TNFRSF10C: variants seen among roughly 807,000 people sequenced by gnomAD.
TNFRSF10C encodes tumor necrosis factor receptor superfamily member 10C.
A neutral mutation model predicts 16.7 loss-of-function variants in TNFRSF10C; 17 were observed. That is an observed-to-expected ratio of 1.02 (90% CI 0.70 to 1.53). The LOEUF (loss-of-function observed/expected upper bound fraction) is 1.53. Among genes scored for constraint, TNFRSF10C ranks in the 40% most tolerant of loss-of-function variants. The pLI is 0.00. For missense variants in TNFRSF10C, 237 were observed against 329.7 expected (o/e 0.72, Z 2.18); for synonymous variants, 73 against 119.7 (o/e 0.61, Z 2.55).
At chr8:23,111,613 C>A in intron 1 of TNFRSF10C, 107 bp from the exon 2 acceptor site, 1 of 877,342 alleles carries the variant, frequency 1.1e-6, no homozygotes, top group Non-Finnish European at 1.9e-6. Flanking sequence ...AAAAAATGTC[C>A]AAGCTCTGAT....
intron 1 of TNFRSF10C, among the ~76,000 whole-genome samples, chr8:23,108,378 G>T (rs986806993): frequency 5.9e-5 from 9 of 152,110 alleles, no homozygotes; most frequent in Non-Finnish European, 1.0e-4. Context: ...TGTTTTCTAT[G>T]TATTAGGAAA....
intron 2 of TNFRSF10C, 110 bp downstream of exon 2, chr8:23,111,935 C>T: frequency 9.3e-7 from 1 of 1,074,780 alleles, no homozygotes; most frequent in Non-Finnish European, 1.4e-6. Flanking sequence ...TGTGGAATGG[C>T]TAAATCAAGC....
In TNFRSF10C at chr8:23,103,116, CATACCA is replaced by C. The variant is rs762251336; in HGVS notation, c.-5_1del. On this transcript the variant is annotated start_lost and 5_prime_UTR_variant, in exon 1 of 5. Transcript: ENST00000356864. ...CAGGACCCAGGACGGCGTCGGGAAC[CATACCA>C]TGGCCCGGATCCCCAAGACCCTAAA... 2 of 1,611,046 alleles carry C rather than the reference CATACCA, an allele frequency of 1.2e-6. No individual in the cohort carries two copies. Among genetic ancestry groups the C allele is most frequent in the Non-Finnish European group, 8.5e-7 (1 of 1,178,940 alleles).
Position 23,114,668 on chromosome 8 carries a change from T to A in TNFRSF10C, c.178T>A (p.Ser60Thr). 6.2e-7 allele frequency: 1 copy of A among 1,613,748 alleles called. No individual in the cohort carries two copies. Among genetic ancestry groups the A allele is most frequent in the Non-Finnish European group, 8.5e-7 (1 of 1,179,706 alleles). ...GEECPAGSHRSEHTGACNPCT... is the reference protein window; with the variant it reads ...GEECPAGSHRTEHTGACNPCT... ...CTCTTCCTTCCCAGGATCTCATAGATCAGAACATACTGGAGCCTGTAACCC... is the reference window on the plus strand; with the variant it reads ...CTCTTCCTTCCCAGGATCTCATAGAACAGAACATACTGGAGCCTGTAACCC... Residue 60 changes from serine to threonine, a missense_variant, in exon 3 of 5, where the codon TCA becomes ACA. Physicochemically the swap from Ser to Thr is moderately conservative, Grantham distance 58. Coordinates refer to ENST00000356864, the MANE Select transcript of TNFRSF10C (RefSeq NM_003841.5).
rs769703217 is a variant in TNFRSF10C, at chr8:23,116,665, CAGTAATT to C, written c.415_421del (p.Ser139ValfsTer28). On this transcript the variant is annotated frameshift_variant, in exon 5 of 5. Coordinates refer to ENST00000356864, the MANE Select transcript of TNFRSF10C (RefSeq NM_003841.5). LOFTEE classifies it low-confidence loss of function (END_TRUNC). Reference sequence around the variant, plus strand: ...GGTGCCCTAGTGGGGAAGTCCAAGTCAGTAATTGTACGTCCTGGGATGATATCCAGTG... The same window carrying C: ...GGTGCCCTAGTGGGGAAGTCCAAGTCGTACGTCCTGGGATGATATCCAGTG... 1.2e-6 allele frequency: 2 copies of C among 1,614,120 alleles called. No homozygotes were observed. Among genetic ancestry groups the C allele is most frequent in the Non-Finnish European group, 1.7e-6 (2 of 1,179,956 alleles).
intron 1 of TNFRSF10C, among the ~76,000 whole-genome samples, chr8:23,108,933 T>G (rs11135698): frequency 0.11 from 16,681 of 152,096 alleles, 1,185 homozygotes; most frequent in East Asian, 0.33. Context: ...AGTAACAATA[T>G]CCACAGAGAA....
chr8:23,107,614 T>G (rs1055493832), intron 1 of TNFRSF10C, among the ~76,000 whole-genome samples: 1 of 152,180 alleles, frequency 6.6e-6, no homozygotes, highest in Non-Finnish European at 1.5e-5. Flanking sequence ...GCATAAAAAG[T>G]CAGTTTATCC....
chr8:23,106,782 C>G (rs374765880), intron 1 of TNFRSF10C, among the ~76,000 whole-genome samples: 26 of 151,826 alleles, frequency 1.7e-4, no homozygotes, highest in East Asian at 1.2e-3. Context: ...GTCAGGAGAT[C>G]GAGACCATCC....
intron 1 of TNFRSF10C, among the ~76,000 whole-genome samples, chr8:23,108,087 G>C (rs1458646760): frequency 6.6e-6 from 1 of 152,162 alleles, no homozygotes. Flanking sequence ...GGTTTGAGGG[G>C]CATAAGGCAG....
At chr8:23,103,257 G>A in intron 1 of TNFRSF10C, 76 bp downstream of exon 1, 1 of 1,565,036 alleles carries the variant, frequency 6.4e-7, no homozygotes, top group Non-Finnish European at 8.7e-7. Context: ...CGGGGACACG[G>A]CAGGGATGCC....
chr8:23,109,555 T>C (rs1455743552), intron 1 of TNFRSF10C, among the ~76,000 whole-genome samples: 1 of 151,208 alleles, frequency 6.6e-6, no homozygotes, highest in Non-Finnish European at 1.5e-5. Context: ...GAGAATAGCA[T>C]GAACCTGGGA....
At chr8:23,114,812 G>A in intron 3 of TNFRSF10C, 42 bp downstream of exon 3, 2 of 1,565,252 alleles carry the variant, frequency 1.3e-6, no homozygotes, top group Non-Finnish European at 1.8e-6. Context: ...TGGAGCGTGG[G>A]GCAATGAGGT....
chr8:23,114,499 G>A (rs1185454406), intron 2 of TNFRSF10C, 158 bp from the exon 3 acceptor site: 11 of 557,908 alleles, frequency 2.0e-5, no homozygotes, highest in African/African-American at 1.1e-4. Context: ...CCAGTCAAAG[G>A]TATGTAATAG....
rs1338013207 is a variant in TNFRSF10C, at chr8:23,114,260, A to T, written c.167-397A>T. Among the ~76,000 whole-genome samples the T allele has an allele frequency of 3.3e-5, 5 of 152,314 alleles. 1 individual carries two copies. The highest frequency in any genetic ancestry group is 6.8e-3 in the Middle Eastern group (2 of 294). On this transcript the variant is annotated intron_variant, in intron 2 of 4. Transcript: ENST00000356864. Reference sequence around the variant, plus strand: ...AGGTGGACCAGCATGGGCAGATCACATGTACAGTAGGTTGGATGTTATTTT... The same window carrying T: ...AGGTGGACCAGCATGGGCAGATCACTTGTACAGTAGGTTGGATGTTATTTT...
intron 1 of TNFRSF10C, among the ~76,000 whole-genome samples, chr8:23,108,656 T>C (rs1460654271): frequency 2.0e-5 from 3 of 152,178 alleles, no homozygotes; most frequent in African/African-American, 7.2e-5. Context: ...TCAAAACACA[T>C]GACACAAAAA....
At chr8:23,116,587 C>T (rs924961106) in intron 4 of TNFRSF10C, 54 bp from the exon 5 acceptor site, 1 of 1,575,154 alleles carries the variant, frequency 6.3e-7, no homozygotes, top group African/African-American at 1.3e-5. Flanking sequence ...CCTTTTATCC[C>T]ACCTGGCTAG....
intron 1 of TNFRSF10C, among the ~76,000 whole-genome samples, chr8:23,108,893 T>G (rs1269756109): frequency 6.6e-6 from 1 of 152,160 alleles, no homozygotes; most frequent in Non-Finnish European, 1.5e-5. Context: ...CAATATGATC[T>G]CTAAACTTAA....
chr8:23,103,957 A>C (rs1368787094), intron 1 of TNFRSF10C, among the ~76,000 whole-genome samples: 1 of 152,234 alleles, frequency 6.6e-6, no homozygotes, highest in Admixed American at 6.5e-5. Context: ...AAAAAAGAAA[A>C]AGAAAAGGCC....
chr8:23,109,794 G>T (rs964707955), intron 1 of TNFRSF10C, among the ~76,000 whole-genome samples: 9 of 151,968 alleles, frequency 5.9e-5, no homozygotes, highest in African/African-American at 1.9e-4. Context: ...AACTGTGTGC[G>T]GTGGCTTACG....
Sources: allele counts gnomAD v4.1 joint callset (sites outside exome capture counted in the v4.1 genomes callset), GRCh38; gene constraint gnomAD v4.1.1; transcripts MANE v1.5; gene names NCBI Gene and HGNC (gene_info 2026-07-23, HGNC 2026-07-21).